The following DNAH8 variants were observed in gnomAD, a reference collection of about 807,000 sequenced individuals.
The protein encoded by DNAH8 is dynein axonemal heavy chain 8, also known as axonemal beta dynein heavy chain 8.
DNAH8 carries 382 observed loss-of-function variants against 562.1 expected under a neutral mutation model. The ratio of observed to expected loss-of-function variants is 0.68; its 90% confidence interval spans 0.63 to 0.74. DNAH8 has a LOEUF of 0.74. Ranked by LOEUF, DNAH8 falls within the 30% of genes least tolerant of loss-of-function variation. The pLI, the probability that DNAH8 is intolerant of heterozygous loss-of-function variation, is 0.00. For synonymous variants in DNAH8, 1,881 were observed against 1,919.4 expected (o/e 0.98, Z 0.52); for missense variants, 5,203 against 5,620.4 (o/e 0.93, Z 2.37).
chr6:38,945,439 A>G (rs1395891727), intron 79 of DNAH8, 28 bp from the exon 80 acceptor site: 3 of 1,613,038 alleles, frequency 1.9e-6, no homozygotes, highest in South Asian at 2.2e-5. Flanking sequence ...GGCTTACCCA[A>G]TTCACCCTGT....
chr6:38,808,524 C>A (rs1771502869), intron 24 of DNAH8, among the ~76,000 whole-genome samples: 1 of 152,290 alleles, frequency 6.6e-6, no homozygotes, highest in Middle Eastern at 3.4e-3. Context: ...CTGTGGAAGA[C>A]AGTGTGGCGA....
intron 56 of DNAH8, among the ~76,000 whole-genome samples, chr6:38,884,855 C>T (rs1778798648): frequency 6.6e-6 from 1 of 152,196 alleles, no homozygotes; most frequent in Non-Finnish European, 1.5e-5. Context: ...GGTCATTCCC[C>T]ATTAGAAGAC....
chr6:38,743,793 G>GT (rs1232214228), intron 8 of DNAH8, among the ~76,000 whole-genome samples: 1 of 152,026 alleles, frequency 6.6e-6, no homozygotes, highest in Non-Finnish European at 1.5e-5. Flanking sequence ...GGTTGTCCCT[G>GT]TTTTTTTGGC....
intron 10 of DNAH8, among the ~76,000 whole-genome samples, chr6:38,758,027 A>G (rs1001021532): frequency 2.0e-5 from 3 of 152,174 alleles, no homozygotes; most frequent in African/African-American, 7.2e-5. Flanking sequence ...TTTTGGTGCC[A>G]TATGAACTTT....
intron 82 of DNAH8, among the ~76,000 whole-genome samples, chr6:38,957,697 A>G (rs1436259304): frequency 6.6e-6 from 1 of 152,064 alleles, no homozygotes; most frequent in Non-Finnish European, 1.5e-5. Context: ...CTGTACAAAT[A>G]CAAGGAAAGT....
intron 91 of DNAH8, among the ~76,000 whole-genome samples, chr6:39,023,274 C>T (rs946036892): frequency 2.0e-5 from 3 of 152,138 alleles, no homozygotes; most frequent in East Asian, 1.9e-4. Flanking sequence ...AGGCGGATCA[C>T]GAGGTCAGGA....
chr6:38,831,839 T>C (rs1773859946), intron 30 of DNAH8, among the ~76,000 whole-genome samples: 1 of 152,216 alleles, frequency 6.6e-6, no homozygotes, highest in African/African-American at 2.4e-5. Flanking sequence ...CAAGCATTAT[T>C]TAAGTGCTGG....
intron 81 of DNAH8, among the ~76,000 whole-genome samples, chr6:38,950,239 A>G (rs898908450): frequency 1.3e-5 from 2 of 148,468 alleles, no homozygotes; most frequent in African/African-American, 2.5e-5. Flanking sequence ...GTGGATGGGT[A>G]AGGCAGAGGA....
At chr6:38,860,371 G>C (rs1776521367) in intron 42 of DNAH8, 86 bp from the exon 43 acceptor site, 1 of 662,484 alleles carries the variant, frequency 1.5e-6, no homozygotes, top group South Asian at 5.0e-5. Context: ...GTTCATCAAA[G>C]AGTGAATTTT....
Position 38,761,802 on chromosome 6 carries a change from A to G in DNAH8, c.1616A>G (p.Gln539Arg). 1 of 1,521,130 alleles carries G rather than the reference A, an allele frequency of 6.6e-7. No homozygotes were observed. The highest frequency in any genetic ancestry group is 8.8e-7 in the Non-Finnish European group (1 of 1,130,850). 94.2% of individuals were successfully genotyped at this position (1,521,130 alleles called of 1,614,324 possible). A position where few individuals can be genotyped will look rare whatever the true frequency, so the allele number is the denominator to read the frequency against. ...ACGCCAGTTGTACTAAAGAAAATTCAGGTTTGTAGAAGTACTTTTATTTTC... is the reference window on the plus strand; with the variant it reads ...ACGCCAGTTGTACTAAAGAAAATTCGGGTTTGTAGAAGTACTTTTATTTTC... Reference protein sequence around the residue: ...QETPVVLKKIQDCIFLFKEYQ... With the variant: ...QETPVVLKKIRDCIFLFKEYQ... Residue 539 changes from glutamine (Q) to arginine (R), a missense_variant and splice_region_variant, in exon 11 of 93, where the codon CAG becomes CGG. Gln to Arg is a conservative substitution (Grantham distance 43). Coordinates refer to ENST00000327475, the MANE Select transcript of DNAH8 (RefSeq NM_001206927.2).
rs201841900 is a variant in DNAH8 at position 38,926,090 on chromosome 6, T to A, written c.10998T>A (p.Asp3666Glu). 6.2e-7 allele frequency: 1 copy of A among 1,613,692 alleles called. No homozygotes were observed. Among genetic ancestry groups the A allele is most frequent in the African/African-American group, 1.3e-5 (1 of 74,900 alleles). Reference sequence around the variant, plus strand: ...GGGGGCTACAGGGATTACCAGGAGATGATCTCTCAATTCAGAATGGCATTA... The same window carrying A: ...GGGGGCTACAGGGATTACCAGGAGAAGATCTCTCAATTCAGAATGGCATTA... ...GEWGLQGLPG[D>E]DLSIQNGIIV... Residue 3666 changes from aspartate (D) to glutamate (E), a missense_variant, in exon 74 of 93, where the codon GAT becomes GAA. Transcript: ENST00000327475.
intron 11 of DNAH8, among the ~76,000 whole-genome samples, chr6:38,765,696 G>A (rs1766919714): frequency 6.6e-6 from 1 of 152,072 alleles, no homozygotes; most frequent in Non-Finnish European, 1.5e-5. Context: ...GATTACTATA[G>A]CTTGGTAGTA....
At chr6:38,996,573 C>T (rs887920808) in intron 88 of DNAH8, among the ~76,000 whole-genome samples, 2 of 152,142 alleles carry the variant, frequency 1.3e-5, no homozygotes, top group Non-Finnish European at 2.9e-5. Flanking sequence ...TCTAGAGCAC[C>T]CATGATGACT....
rs773555639 is a variant in DNAH8, at chr6:38,945,603, G to A, written c.12129+15G>A. 6 of 1,613,466 alleles carry A rather than the reference G, an allele frequency of 3.7e-6. No individual in the cohort carries two copies. The highest frequency in any genetic ancestry group is 3.3e-5 in the South Asian group (3 of 91,052). ...TTATGAACCAGGTAATACAATAAAG[G>A]GCTGGTTGAAAGTGCAGATCTGCAA... On this transcript the variant is annotated intron_variant, in intron 80 of 92. Transcript: ENST00000327475.
chr6:38,927,397 C>T (rs889000356), intron 74 of DNAH8, among the ~76,000 whole-genome samples: 3 of 152,192 alleles, frequency 2.0e-5, no homozygotes, highest in African/African-American at 7.2e-5. Flanking sequence ...AATACCCCAC[C>T]TCATCAATAC....
chr6:38,736,416 G>A (rs1764093246), intron 5 of DNAH8, among the ~76,000 whole-genome samples: 1 of 152,140 alleles, frequency 6.6e-6, no homozygotes, highest in South Asian at 2.1e-4. Context: ...TGGCGCAGAA[G>A]CAATGGTGGG....
At chr6:38,734,228 G>A (rs1763889514) in intron 4 of DNAH8, among the ~76,000 whole-genome samples, 2 of 148,746 alleles carry the variant, frequency 1.3e-5, no homozygotes, top group Non-Finnish European at 3.0e-5. Flanking sequence ...AGGTTGCAGT[G>A]AGCTGAGATT....
chr6:38,967,429 G>A (rs910592475), intron 82 of DNAH8, among the ~76,000 whole-genome samples: 1 of 152,060 alleles, frequency 6.6e-6, no homozygotes, highest in Non-Finnish European at 1.5e-5. Context: ...GATGAGTTCA[G>A]CAAGATTGTA....
In DNAH8 at chr6:38,938,038, G is replaced by A; in HGVS notation, c.11628G>A (p.Glu3876=). The A allele has an allele frequency of 6.2e-7, 1 of 1,614,052 alleles. No individual in the cohort carries two copies. The change falls in exon 78 of 93, where the codon GAG becomes GAA. Residue 3876 remains glutamate, a synonymous_variant. Transcript: ENST00000327475. ...GAACTACCAAGCAGACAGCAGCTGA[G>A]GTAAGTGAAAAGTTGCATGTGGCTG... ...VLRTTKQTAA[E]VSEKLHVAAE...
Sources: allele counts gnomAD v4.1 joint callset (sites outside exome capture counted in the v4.1 genomes callset), GRCh38; gene constraint gnomAD v4.1.1; transcripts MANE v1.5; gene names NCBI Gene and HGNC (gene_info 2026-07-23, HGNC 2026-07-21).